Variants in FHIT observed in about 807,000 individuals in gnomAD.
FHIT encodes the protein bis(5'-adenosyl)-triphosphatase.
FHIT carries 19 observed loss-of-function variants against 17.9 expected under a neutral mutation model. The ratio of observed to expected loss-of-function variants is 1.06; its 90% CI spans 0.74 to 1.56. FHIT has a LOEUF of 1.56. Ranked by LOEUF, FHIT falls within the 40% of genes most tolerant of loss-of-function variation. FHIT has a pLI of 0.00. For missense variants in FHIT, 248 were observed against 189.2 expected (o/e 1.31, Z -1.82); for synonymous variants, 81 against 69.7 (o/e 1.16, Z -0.81).
chr3:60,107,938 T>G lies in FHIT; in HGVS notation c.104-93786A>C, dbSNP rs76831609. 9.3e-3 allele frequency among the ~76,000 whole-genome samples: 1,417 copies of G among 152,326 alleles called. 21 individuals carry two copies. Among genetic ancestry groups the G allele is most frequent in the African/African-American group, 0.032 (1,326 of 41,582 alleles). On this transcript the variant is annotated intron_variant, in intron 5 of 9. Coordinates refer to ENST00000492590, the MANE Select transcript of FHIT (RefSeq NM_002012.4). Reference sequence around the variant, plus strand: ...GAGGCATTATCTGTTTGACCAGATTTAATCATTTAATTTGAAACAAAGAAA... The same window carrying G: ...GAGGCATTATCTGTTTGACCAGATTGAATCATTTAATTTGAAACAAAGAAA...
intron 5 of FHIT, among the ~76,000 whole-genome samples, chr3:60,044,470 G>T (rs560356113): frequency 6.6e-6 from 1 of 152,104 alleles, no homozygotes; most frequent in Non-Finnish European, 1.5e-5. Context: ...AAAGCAAATC[G>T]TGTCCCTCAT....
chr3:60,235,234 GT>G (rs11441829), intron 5 of FHIT, among the ~76,000 whole-genome samples: 160 of 143,056 alleles, frequency 1.1e-3, no homozygotes, highest in South Asian at 9.3e-3. Context: ...TTTGTTTGTT[GT>G]TTTTTTTTTT....
At chr3:59,792,080 T>C (rs1043631714) in intron 8 of FHIT, among the ~76,000 whole-genome samples, 2 of 150,504 alleles carry the variant, frequency 1.3e-5, no homozygotes, top group Admixed American at 1.3e-4. Flanking sequence ...ATGTCTTGGT[T>C]TTAATCATGG....
At chr3:60,620,569 G>A (rs111906178) in intron 4 of FHIT, among the ~76,000 whole-genome samples, 2,029 of 151,258 alleles carry the variant, frequency 0.013, 57 homozygotes, top group African/African-American at 0.048. Context: ...TGTGATTCCA[G>A]TGATGGGATA....
Position 60,692,695 on chromosome 3 carries a change from C to T in FHIT, c.-18+129224G>A, listed in dbSNP as rs147706679. 2.7e-4 allele frequency among the ~76,000 whole-genome samples: 41 copies of T among 152,300 alleles called. 1 individual carries two copies. Among genetic ancestry groups the T allele is most frequent in the African/African-American group, 9.4e-4 (39 of 41,576 alleles). On this transcript the variant is annotated intron_variant, in intron 4 of 9. Transcript: ENST00000492590. ...TATTTCAAACTTCTGACCTCCCAAA[C>T]TGTAAAATAATAAATCTATGTCATT...
At chr3:59,781,083 G>T (rs1243045260) in intron 8 of FHIT, among the ~76,000 whole-genome samples, 4 of 152,096 alleles carry the variant, frequency 2.6e-5, no homozygotes, top group Non-Finnish European at 5.9e-5. Context: ...GCTAATGTTG[G>T]TTAAGCCAAT....
chr3:59,920,570 T>C (rs893113640), intron 8 of FHIT, among the ~76,000 whole-genome samples: 6 of 152,156 alleles, frequency 3.9e-5, no homozygotes, highest in African/African-American at 1.4e-4. Flanking sequence ...TTAAGCACAG[T>C]TGGAACATCG....
chr3:60,972,371 T>C (rs1205824749), intron 3 of FHIT, among the ~76,000 whole-genome samples: 1 of 152,210 alleles, frequency 6.6e-6, no homozygotes, highest in Non-Finnish European at 1.5e-5. Context: ...TTACTTTCTT[T>C]TGGCACTTTA....
chr3:60,348,242 G>T (rs1440582463), intron 5 of FHIT, among the ~76,000 whole-genome samples: 1 of 152,130 alleles, frequency 6.6e-6, no homozygotes, highest in African/African-American at 2.4e-5. Flanking sequence ...CAATTACTTA[G>T]CAAAGGAGAG....
chr3:60,194,696 T>C (rs1440385130), intron 5 of FHIT, among the ~76,000 whole-genome samples: 2 of 152,104 alleles, frequency 1.3e-5, no homozygotes, highest in Admixed American at 6.5e-5. Flanking sequence ...GACAAAGGAC[T>C]AATATCCAGA....
intron 5 of FHIT, among the ~76,000 whole-genome samples, chr3:60,266,209 T>C (rs757071816): frequency 6.6e-6 from 1 of 152,002 alleles, no homozygotes; most frequent in Non-Finnish European, 1.5e-5. Flanking sequence ...AATGGAATAT[T>C]ATTAGCAATA....
At position 59,787,512 on chromosome 3, in the gene FHIT, AC is replaced by A. The variant is rs1330077104; in HGVS notation, c.349-35192del. On this transcript the variant is annotated intron_variant, in intron 8 of 9. Coordinates refer to ENST00000492590, the MANE Select transcript of FHIT (RefSeq NM_002012.4). ...CACACACACACACACACACACACAC[AC>A]ACACACACACACACACGTCAAAGGC... is the stretch of plus-strand genomic sequence containing the variant. Among the ~76,000 whole-genome samples, 38 of 151,610 alleles carry A rather than the reference AC, an allele frequency of 2.5e-4. No homozygotes were observed. In the East Asian group the frequency reaches 4.5e-3, roughly 18 times the overall value.
At chr3:60,881,269 C>T (rs898210750) in intron 3 of FHIT, among the ~76,000 whole-genome samples, 8 of 152,148 alleles carry the variant, frequency 5.3e-5, no homozygotes, top group African/African-American at 1.9e-4. Context: ...ATGCATCCAA[C>T]ACTGGAACAC....
At chr3:60,416,229 T>C (rs913443527) in intron 5 of FHIT, among the ~76,000 whole-genome samples, 3 of 152,086 alleles carry the variant, frequency 2.0e-5, no homozygotes, top group Non-Finnish European at 4.4e-5. Flanking sequence ...ATTCATAGGA[T>C]AAAAATATTG....
chr3:59,771,712 T>C (rs556121878), intron 8 of FHIT, among the ~76,000 whole-genome samples: 61 of 152,202 alleles, frequency 4.0e-4, no homozygotes, highest in Non-Finnish European at 6.8e-4. Flanking sequence ...TGTCTCTATG[T>C]CTGTGGGGAA....
At chr3:60,052,011 C>A (rs905716770) in intron 5 of FHIT, among the ~76,000 whole-genome samples, 2 of 152,092 alleles carry the variant, frequency 1.3e-5, no homozygotes, top group African/African-American at 4.8e-5. Context: ...CCTCTATTTG[C>A]ACCCCAACTG....
intron 5 of FHIT, among the ~76,000 whole-genome samples, chr3:60,236,545 G>A (rs1012638746): frequency 2.0e-5 from 3 of 151,966 alleles, no homozygotes; most frequent in African/African-American, 4.8e-5. Context: ...AAGTGCTGTG[G>A]CACAATGGGT....
rs1371076033 is a variant in FHIT at position 60,016,415 on chromosome 3, A to G, written c.104-2263T>C. Reference sequence around the variant, plus strand: ...ACTTCTTAGAGCAGATGAGATTTAAACTGGACTTTAAAAATTGGGGAGTGA... The same window carrying G: ...ACTTCTTAGAGCAGATGAGATTTAAGCTGGACTTTAAAAATTGGGGAGTGA... On this transcript the variant is annotated intron_variant, in intron 5 of 9. Coordinates refer to ENST00000492590, the MANE Select transcript of FHIT (RefSeq NM_002012.4). Among the ~76,000 whole-genome samples the G allele has an allele frequency of 3.3e-5, 5 of 152,306 alleles. No individual in the cohort carries two copies. In the East Asian group the frequency reaches 5.8e-4, roughly 18 times the overall value.
At chr3:60,122,183 C>T (rs1002719719) in intron 5 of FHIT, among the ~76,000 whole-genome samples, 1 of 151,958 alleles carries the variant, frequency 6.6e-6, no homozygotes, top group Non-Finnish European at 1.5e-5. Flanking sequence ...AAATGTACTG[C>T]TAATTACTCT....
Sources: allele counts gnomAD v4.1 joint callset (sites outside exome capture counted in the v4.1 genomes callset), GRCh38; gene constraint gnomAD v4.1.1; transcripts MANE v1.5; gene names NCBI Gene and HGNC (gene_info 2026-07-23, HGNC 2026-07-21).